The following SEMA3A variants were observed in gnomAD, a reference collection of about 807,000 sequenced individuals.
The protein encoded by SEMA3A is semaphorin 3A, also known as semaphorin-3A.
A neutral mutation model predicts 97.9 loss-of-function variants in SEMA3A; 29 were observed. The ratio of observed to expected loss-of-function variants is 0.30; its 90% CI spans 0.22 to 0.40. The LOEUF (loss-of-function observed/expected upper bound fraction) is 0.40. SEMA3A is among the 10% of genes least tolerant of loss of function. The probability of loss-of-function intolerance (pLI) is 1.00; values close to 1 mark genes in which losing one functional copy is unlikely to be tolerated. For missense variants in SEMA3A, 763 were observed against 951.3 expected (o/e 0.80, Z 2.60); for synonymous variants, 321 against 323.7 (o/e 0.99, Z 0.09).
At chr7:84,109,375 G>A (rs1442529493) in intron 4 of SEMA3A, among the ~76,000 whole-genome samples, 1 of 152,196 alleles carries the variant, frequency 6.6e-6, no homozygotes, top group Non-Finnish European at 1.5e-5. Flanking sequence ...ATAGGATGAT[G>A]AGGAGCCACT....
At chr7:84,376,547 T>G (rs917554616) in intron 1 of SEMA3A, among the ~76,000 whole-genome samples, 2 of 98,652 alleles carry the variant, frequency 2.0e-5, no homozygotes, top group Admixed American at 3.0e-4. Context: ...GAGCTTGCAG[T>G]GAGCCGAGAT....
chr7:83,973,904 G>GT (rs5885388), intron 15 of SEMA3A, among the ~76,000 whole-genome samples: 38,084 of 146,510 alleles, frequency 0.26, 5,573 homozygotes, highest in Non-Finnish European at 0.34. Flanking sequence ...TGATGGTGTA[G>GT]TTTTTTTTTT....
intron 6 of SEMA3A, among the ~76,000 whole-genome samples, chr7:84,028,346 A>T (rs915156377): frequency 2.0e-5 from 3 of 152,202 alleles, no homozygotes; most frequent in Non-Finnish European, 2.9e-5. Flanking sequence ...GGCAAAACTA[A>T]GAAAATACAA....
intron 1 of SEMA3A, among the ~76,000 whole-genome samples, chr7:84,187,934 G>A (rs1797933368): frequency 1.3e-5 from 2 of 151,990 alleles, no homozygotes; most frequent in Non-Finnish European, 2.9e-5. Flanking sequence ...CAGACTAAAT[G>A]AGTCAATTGA....
intron 3 of SEMA3A, among the ~76,000 whole-genome samples, chr7:84,113,692 C>T (rs181605595): frequency 1.7e-3 from 255 of 152,206 alleles, no homozygotes; most frequent in Non-Finnish European, 2.9e-3. Context: ...TGAACACAGA[C>T]AAGTTTAGCA....
chr7:83,994,157 T>A (rs1790098947), intron 12 of SEMA3A, among the ~76,000 whole-genome samples: 1 of 143,552 alleles, frequency 7.0e-6, no homozygotes, highest in African/African-American at 2.6e-5. Context: ...GCCTTGGTTT[T>A]CAGCTCCATC....
At chr7:84,053,111 C>T (rs1792763101) in intron 5 of SEMA3A, among the ~76,000 whole-genome samples, 1 of 141,286 alleles carries the variant, frequency 7.1e-6, no homozygotes, top group Non-Finnish European at 1.6e-5. Context: ...TTTACATTTG[C>T]TGAGGAGAGC....
intron 1 of SEMA3A, among the ~76,000 whole-genome samples, chr7:84,387,053 T>C (rs1803417100): frequency 2.6e-5 from 4 of 152,038 alleles, no homozygotes; most frequent in Admixed American, 2.0e-4. Context: ...TTATTAGCTG[T>C]GTGATTTGGG....
chr7:84,397,974 C>T (rs1803782762), intron 1 of SEMA3A, among the ~76,000 whole-genome samples: 1 of 152,106 alleles, frequency 6.6e-6, no homozygotes, highest in Non-Finnish European at 1.5e-5. Context: ...ATTACTTCCT[C>T]TTTGCACCTG....
At chr7:84,219,425 G>C (rs990776372) in intron 3 of SEMA3A, among the ~76,000 whole-genome samples, 2 of 152,106 alleles carry the variant, frequency 1.3e-5, no homozygotes, top group African/African-American at 2.4e-5. Flanking sequence ...TAAAGAACTA[G>C]CTATAGAACT....
intron 2 of SEMA3A, among the ~76,000 whole-genome samples, chr7:84,316,928 A>G (rs1389524615): frequency 6.6e-6 from 1 of 152,214 alleles, no homozygotes; most frequent in Admixed American, 6.5e-5. Flanking sequence ...GCAGGCTCCA[A>G]ATAAACCAGT....
rs10615974 is a variant in SEMA3A at position 84,030,987 on chromosome 7, G to GTTTT, written c.667+15333_667+15336dup. Among the ~76,000 whole-genome samples, 125 of 95,020 alleles carry GTTTT rather than the reference G, an allele frequency of 1.3e-3. 1 individual carries two copies. The highest frequency in any genetic ancestry group is 3.8e-3 in the African/African-American group (87 of 23,160). The allele number at this position is 95,020 out of a possible 152,430, so 62.3% of individuals were successfully genotyped here. A position where few individuals can be genotyped will look rare whatever the true frequency, so the allele number is the denominator to read the frequency against. On this transcript the variant is annotated intron_variant, in intron 6 of 16. Coordinates refer to ENST00000265362, the MANE Select transcript of SEMA3A (RefSeq NM_006080.3). ...TGCTTCTAGTGTTACTTTTGGTCAAGTTTTTTTTTTTTTTTTTTTTTTTTG... is the reference window on the plus strand; with the variant it reads ...TGCTTCTAGTGTTACTTTTGGTCAAGTTTTTTTTTTTTTTTTTTTTTTTTTTTTG...
At chr7:84,092,918 T>C (rs1794643120) in intron 4 of SEMA3A, among the ~76,000 whole-genome samples, 2 of 152,028 alleles carry the variant, frequency 1.3e-5, no homozygotes, top group Admixed American at 6.6e-5. Context: ...GTCATATGTA[T>C]ACAAGGGATA....
intron 3 of SEMA3A, among the ~76,000 whole-genome samples, chr7:84,230,822 CTT>C (rs1162104534): frequency 6.6e-6 from 1 of 151,856 alleles, no homozygotes; most frequent in Non-Finnish European, 1.5e-5. Context: ...AATGCCTTCT[CTT>C]TCTTTGTCAT....
chr7:83,956,355 T>C lies in SEMA3A; in HGVS notation c.*5016A>G, dbSNP rs1052912833. The C allele has an allele frequency of 5.9e-5, 9 of 152,132 alleles. No individual in the cohort carries two copies. The highest frequency in any genetic ancestry group is 3.9e-4 in the East Asian group (2 of 5,194). 9.4% of individuals were successfully genotyped at this position (152,132 alleles called of 1,614,324 possible). ...GAAACTTTCGTTTGAACTGAGAGCATAGGGGAGTGTCTGATGAAGTTAGCT... is the reference window on the plus strand; with the variant it reads ...GAAACTTTCGTTTGAACTGAGAGCACAGGGGAGTGTCTGATGAAGTTAGCT... On this transcript the variant is annotated 3_prime_UTR_variant, in exon 17 of 17. Coordinates refer to ENST00000265362, the MANE Select transcript of SEMA3A (RefSeq NM_006080.3).
intron 4 of SEMA3A, among the ~76,000 whole-genome samples, chr7:84,090,149 A>T (rs963583460): frequency 2.6e-5 from 4 of 152,124 alleles, no homozygotes; most frequent in African/African-American, 9.7e-5. Flanking sequence ...TTTATGTTGC[A>T]GTGGAGGAGT....
chr7:84,184,930 G>A (rs1007978578), intron 1 of SEMA3A, among the ~76,000 whole-genome samples: 2 of 152,056 alleles, frequency 1.3e-5, no homozygotes, highest in Non-Finnish European at 2.9e-5. Context: ...CGTGCCCTGG[G>A]AAGGTCAACC....
chr7:84,024,648 G>T (rs1274424875), intron 6 of SEMA3A, among the ~76,000 whole-genome samples: 4 of 152,128 alleles, frequency 2.6e-5, no homozygotes, highest in Non-Finnish European at 5.9e-5. Flanking sequence ...AGTGTTGGGA[G>T]AATTAATTAG....
chr7:84,339,123 T>C (rs747528653), intron 2 of SEMA3A, among the ~76,000 whole-genome samples: 4 of 152,170 alleles, frequency 2.6e-5, no homozygotes, highest in Non-Finnish European at 5.9e-5. Context: ...ACTGTTCAAA[T>C]GGTGTGCCCT....
Sources: gnomAD v4.1 joint callset for allele counts (sites outside exome capture counted in the v4.1 genomes callset) on GRCh38, gnomAD v4.1.1 for gene constraint, MANE v1.5 for transcripts, NCBI Gene and HGNC (gene_info 2026-07-23, HGNC 2026-07-21) for gene names.